GTF2IRD2B: variants seen among roughly 807,000 people sequenced by gnomAD.
GTF2IRD2B encodes general transcription factor II-I repeat domain-containing protein 2B.
In GTF2IRD2B, 10 loss-of-function variants were observed where a neutral mutation model predicts 55.6. The ratio of observed to expected loss-of-function variants is 0.18; its 90% CI spans 0.11 to 0.31. The LOEUF (loss-of-function observed/expected upper bound fraction) is 0.31. Ranked by LOEUF, GTF2IRD2B falls within the 10% of genes least tolerant of loss-of-function variation. GTF2IRD2B has a pLI of 1.00. For synonymous variants in GTF2IRD2B, 107 were observed against 320.5 expected, an observed-to-expected ratio of 0.33 and a Z score of 7.12; for missense variants, 206 against 802.7, an observed-to-expected ratio of 0.26 and a Z score of 8.98.
rs1430917730 is a variant in GTF2IRD2B, at chr7:75,123,019, C to T, written c.359-117C>T. ...GAGCCGAGATCTTGCCATTGCACTC[C>T]AGCCGGGGTGGCAGAGCGAGACTCT... On this transcript the variant is annotated intron_variant, in intron 4 of 15. Coordinates refer to ENST00000472837, the MANE Select transcript of GTF2IRD2B (RefSeq NM_001003795.3). The T allele has an allele frequency of 3.2e-5, 49 of 1,536,094 alleles. 2 individuals are homozygous for T. The highest frequency in any genetic ancestry group is 4.2e-5 in the African/African-American group (3 of 71,282).
At chr7:75,113,781 G>GGGGTGTGTGT (rs1554537652) in intron 3 of GTF2IRD2B, among the ~76,000 whole-genome samples, 5 of 80,020 alleles carry the variant, frequency 6.2e-5, no homozygotes, top group Admixed American at 2.7e-4. Context: ...AGGGTATAAG[G>GGGGTGTGTGT]GTGTGTGTGT....
At chr7:75,123,083 A>G in intron 4 of GTF2IRD2B, 53 bp from the exon 5 acceptor site, 3 of 1,562,912 alleles carry the variant, frequency 1.9e-6, no homozygotes, top group Non-Finnish European at 2.6e-6. Context: ...AAAAAAAAAA[A>G]CTGGTAGAAC....
chr7:75,119,191 CAA>C (rs71229657), intron 3 of GTF2IRD2B, among the ~76,000 whole-genome samples: 7 of 5,122 alleles, frequency 1.4e-3, no homozygotes, highest in African/African-American at 6.0e-3. Context: ...AAGACTCTCT[CAA>C]AAAAAAAAAA....
In GTF2IRD2B at chr7:75,120,045, C is replaced by T. The variant is rs1435155556; in HGVS notation, c.239-846C>T. Among the ~76,000 whole-genome samples, 2 of 130,130 alleles carry T rather than the reference C, an allele frequency of 1.5e-5. 1 individual carries two copies. The highest frequency in any genetic ancestry group is 7.1e-5 in the African/African-American group (2 of 28,310). 85.4% of individuals were successfully genotyped at this position (130,130 alleles called of 152,430 possible). Reference sequence around the variant, plus strand: ...TCAGGAGGCTGAGGCAGGAGAATGGCGTGAACCCGGGAGGCAGAACTTGCA... The same window carrying T: ...TCAGGAGGCTGAGGCAGGAGAATGGTGTGAACCCGGGAGGCAGAACTTGCA... On this transcript the variant is annotated intron_variant, in intron 3 of 15. Transcript: ENST00000472837.
intron 3 of GTF2IRD2B, among the ~76,000 whole-genome samples, chr7:75,115,434 T>TTTTG (rs1554451201): frequency 2.4e-4 from 34 of 142,786 alleles, no homozygotes; most frequent in African/African-American, 7.3e-4. Flanking sequence ...TTTTATTTTT[T>TTTTG]TTTTTTTGAG....
At chr7:75,102,818 C>A (rs1367343668) in intron 1 of GTF2IRD2B, among the ~76,000 whole-genome samples, 38 of 151,400 alleles carry the variant, frequency 2.5e-4, no homozygotes, top group African/African-American at 8.5e-4. Flanking sequence ...AATTAGCCGG[C>A]CATGGTGGGA....
rs2529354 is a variant in GTF2IRD2B, at chr7:75,134,020, C to A, written c.748+808C>A. On this transcript the variant is annotated intron_variant, in intron 9 of 15. Transcript: ENST00000472837. ...TGACAGTTCCTGAACTGACTGGTCA[C>A]TGGTCTCCTGACGGTATCCAGTAGG... Among the ~76,000 whole-genome samples the A allele has an allele frequency of 3.8e-3, 477 of 126,402 alleles. 10 individuals carry two copies. The East Asian group carries it at 0.04, about 11-fold the overall frequency. The allele number at this position is 126,402 out of a possible 152,430, so 82.9% of individuals were successfully genotyped here. A position where few individuals can be genotyped will look rare whatever the true frequency, so the allele number is the denominator to read the frequency against.
intron 1 of GTF2IRD2B, among the ~76,000 whole-genome samples, chr7:75,102,963 A>C (rs1807627269): frequency 6.6e-6 from 1 of 150,638 alleles, no homozygotes; most frequent in Non-Finnish European, 1.5e-5. Context: ...CATGTCAAAA[A>C]AAAAAAACAA....
intron 1 of GTF2IRD2B, among the ~76,000 whole-genome samples, chr7:75,099,860 C>A (rs1807484916): frequency 7.4e-6 from 1 of 134,444 alleles, no homozygotes; most frequent in Admixed American, 7.3e-5. Context: ...TGCCTGTAAT[C>A]CCAGCACTTT....
In GTF2IRD2B at chr7:75,148,534, A is replaced by C. The variant is rs782122164; in HGVS notation, c.2087A>C (p.Tyr696Ser). The C allele has an allele frequency of 6.2e-7, 1 of 1,603,408 alleles. No homozygotes were observed. Among genetic ancestry groups the C allele is most frequent in the Non-Finnish European group, 8.5e-7 (1 of 1,172,526 alleles). Residue 696 changes from tyrosine to serine, a missense_variant, in exon 16 of 16, where the codon TAT becomes TCT. By Grantham distance (144) the Tyr-to-Ser change is moderately radical. Coordinates refer to ENST00000472837, the MANE Select transcript of GTF2IRD2B (RefSeq NM_001003795.3). ...LNHSEFTTLL[Y>S]ELDSQYGSLL... The stretch of plus-strand genomic sequence containing the variant: ...CACAGCGAGTTCACAACCTTGCTCT[A>C]TGAGCTGGACAGCCAGTATGGTAGC...
At chr7:75,105,458 C>T (rs1285167510) in intron 1 of GTF2IRD2B, among the ~76,000 whole-genome samples, 23 of 152,392 alleles carry the variant, frequency 1.5e-4, no homozygotes, top group Non-Finnish European at 2.9e-4. Context: ...GAGCTGAGAT[C>T]GTGCCACTGC....
At chr7:75,116,512 C>T (rs1237234660) in intron 3 of GTF2IRD2B, among the ~76,000 whole-genome samples, 1 of 150,514 alleles carries the variant, frequency 6.6e-6, no homozygotes, top group South Asian at 2.1e-4. Context: ...CATCTATGAA[C>T]AGAGATAATT....
chr7:75,147,474 A>G (rs1469008719), intron 15 of GTF2IRD2B, among the ~76,000 whole-genome samples: 1 of 152,012 alleles, frequency 6.6e-6, no homozygotes, highest in Non-Finnish European at 1.5e-5. Context: ...GGTTTTCTTT[A>G]GAAAACTTGA....
chr7:75,104,798 G>C (rs1394132899), intron 1 of GTF2IRD2B, among the ~76,000 whole-genome samples: 2 of 152,282 alleles, frequency 1.3e-5, no homozygotes, highest in Non-Finnish European at 2.9e-5. Flanking sequence ...CTCATGGCTG[G>C]ATGCCGCTTT....
At position 75,121,037 on chromosome 7, in the gene GTF2IRD2B, T is replaced by A. The variant is rs1300531131; in HGVS notation, c.358+27T>A. The A allele has an allele frequency of 6.2e-6, 10 of 1,605,352 alleles. No individual in the cohort carries two copies. The African/African-American group carries it at 1.1e-4, about 17-fold the overall frequency. On this transcript the variant is annotated intron_variant, in intron 4 of 15. Transcript: ENST00000472837. ...TAACGTTCACTTTAAGCATTAATTC[T>A]ATTTTTTTTTTTTTTTTGAGATGGA... is the stretch of plus-strand genomic sequence containing the variant.
At chr7:75,122,911 A>G (rs1426169278) in intron 4 of GTF2IRD2B, among the ~76,000 whole-genome samples, 1 of 150,286 alleles carries the variant, frequency 6.7e-6, no homozygotes, top group Non-Finnish European at 1.5e-5. Flanking sequence ...TTAGCTGGGC[A>G]TGGTGGTGTG....
At position 75,115,922 on chromosome 7, in the gene GTF2IRD2B, T is replaced by TC. The variant is rs1293571222; in HGVS notation, c.238+3387_238+3388insC. 1.7e-3 allele frequency among the ~76,000 whole-genome samples: 243 copies of TC among 141,826 alleles called. 1 individual carries two copies. In the Middle Eastern group the frequency reaches 0.018, roughly 10 times the overall value. 93.0% of individuals were successfully genotyped at this position (141,826 alleles called of 152,430 possible). ...CTTCTTTAATTTCTTTTCTTTCTTT[T>TC]TTTTTTTTTTTTTGAGAGACAGAGT... On this transcript the variant is annotated intron_variant, in intron 3 of 15. Transcript: ENST00000472837.
Position 75,123,719 on chromosome 7 carries a change from C to T in GTF2IRD2B, c.571+203C>T. 7.9e-6 allele frequency: 5 copies of T among 635,386 alleles called. No homozygotes were observed. The South Asian group carries it at 8.9e-5, about 11-fold the overall frequency. 39.4% of individuals were successfully genotyped at this position (635,386 alleles called of 1,614,324 possible). Reference sequence around the variant, plus strand: ...TGAAGCCCAGTCTGTACTAAAAATACGAAAAAAAATTAGCCGGGCGTGGTG... The same window carrying T: ...TGAAGCCCAGTCTGTACTAAAAATATGAAAAAAAATTAGCCGGGCGTGGTG... On this transcript the variant is annotated intron_variant, in intron 6 of 15. Coordinates refer to ENST00000472837, the MANE Select transcript of GTF2IRD2B (RefSeq NM_001003795.3).
chr7:75,123,197 G>T lies in GTF2IRD2B; in HGVS notation c.420G>T (p.Gln140His). The T allele has an allele frequency of 6.5e-7, 1 of 1,534,598 alleles. No homozygotes were observed. The highest frequency in any genetic ancestry group is 2.4e-4 in the Middle Eastern group (1 of 4,162). The stretch of plus-strand genomic sequence containing the variant: ...CCTATGAGAAGATGCTGCGAGACCA[G>T]TCGGCTGTGGTAGTGCAGGGGCTTC... ...PVPYEKMLRD[Q>H]SAVVVQGLPE... Residue 140 changes from glutamine to histidine, a missense_variant, in exon 5 of 16, where the codon CAG becomes CAT. Coordinates refer to ENST00000472837, the MANE Select transcript of GTF2IRD2B (RefSeq NM_001003795.3).
Sources: allele counts gnomAD v4.1 joint callset (sites outside exome capture counted in the v4.1 genomes callset), GRCh38; gene constraint gnomAD v4.1.1; transcripts MANE v1.5; gene names NCBI Gene and HGNC (gene_info 2026-07-23, HGNC 2026-07-21).